MYO9B: variants seen among roughly 807,000 people sequenced by gnomAD.
The protein encoded by MYO9B is unconventional myosin-IXb.
Under a neutral mutation model 229.5 loss-of-function variants are expected in MYO9B, and 71 were observed. That is an observed-to-expected ratio of 0.31 (90% CI 0.26 to 0.38). The LOEUF (loss-of-function observed/expected upper bound fraction) is 0.38, where lower values mean the gene tolerates loss of function less well. MYO9B is among the 10% of genes least tolerant of loss of function. The pLI is 1.00. For missense variants in MYO9B, 2,255 were observed against 2,920.5 expected (o/e 0.77, Z 5.25); for synonymous variants, 1,185 against 1,235.8 (o/e 0.96, Z 0.86).
intron 13 of MYO9B, among the ~76,000 whole-genome samples, chr19:17,174,858 G>A (rs187354513): frequency 8.0e-5 from 12 of 150,478 alleles, no homozygotes; most frequent in South Asian, 2.1e-4. Context: ...CACTTAAACC[G>A]GGGAGGCAGA....
intron 26 of MYO9B, among the ~76,000 whole-genome samples, chr19:17,201,594 G>A (rs1373212370): frequency 6.6e-6 from 1 of 152,144 alleles, no homozygotes; most frequent in African/African-American, 2.4e-5. Context: ...TGTCCGCCAG[G>A]GAACACTGGC....
chr19:17,109,254 A>G (rs1014127568), intron 2 of MYO9B, among the ~76,000 whole-genome samples: 2 of 150,326 alleles, frequency 1.3e-5, no homozygotes, highest in African/African-American at 4.9e-5. Flanking sequence ...TTTAGTAGAG[A>G]TGGGGTTTCA....
At chr19:17,149,029 C>T (rs2072447754) in intron 3 of MYO9B, among the ~76,000 whole-genome samples, 2 of 152,210 alleles carry the variant, frequency 1.3e-5, no homozygotes, top group Non-Finnish European at 2.9e-5. Flanking sequence ...GGCTAGAGTA[C>T]AATGGCATGA....
At chr19:17,120,000 C>T (rs1216603727) in intron 2 of MYO9B, among the ~76,000 whole-genome samples, 5 of 152,110 alleles carry the variant, frequency 3.3e-5, no homozygotes, top group African/African-American at 4.8e-5. Flanking sequence ...CCCGTTGCTA[C>T]GAAAAATACA....
Position 17,113,651 on chromosome 19 carries a change from AC to A in MYO9B, c.840+11098del, listed in dbSNP as rs1160544469. Among the ~76,000 whole-genome samples, 11 of 152,100 alleles carry A rather than the reference AC, an allele frequency of 7.2e-5. No individual in the cohort carries two copies. The South Asian group carries it at 2.1e-3, about 29-fold the overall frequency. ...GGTCCCTGAGGGGGGTGAGCTGGGC[AC>A]CCCGGGCACCACAGGAAGCGAAGAT... On this transcript the variant is annotated intron_variant, in intron 2 of 39. Transcript: ENST00000682292.
Position 17,195,159 on chromosome 19 carries a change from G to C in MYO9B, c.3732G>C (p.Arg1244Ser). The C allele has an allele frequency of 6.2e-7, 1 of 1,611,182 alleles. No individual in the cohort carries two copies. The highest frequency in any genetic ancestry group is 8.5e-7 in the Non-Finnish European group (1 of 1,179,282). ...TEKTLPSGSP[R>S]PGQLERPTSL... ...AGACGCTGCCCAGTGGGAGCCCCAG[G>C]CCTGGCCAGTTGGAGCGGCCGACCA... is the stretch of plus-strand genomic sequence containing the variant. The change falls in exon 22 of 40, where the codon AGG becomes AGC. Residue 1244 changes from arginine (R) to serine (S), a missense_variant. Transcript: ENST00000682292. This position sits in a 1 kb window ranked among gnomAD's most constrained non-coding sequence, Gnocchi z 4.5.
intron 2 of MYO9B, among the ~76,000 whole-genome samples, chr19:17,115,370 G>T (rs1047944389): frequency 3.3e-5 from 5 of 151,738 alleles, no homozygotes; most frequent in Non-Finnish European, 7.4e-5. Flanking sequence ...TTTACTACCT[G>T]GCCCTTTATA....
rs1237112877 is a variant in MYO9B, at chr19:17,202,023, C to T, written c.4661C>T (p.Pro1554Leu). The T allele has an allele frequency of 4.3e-6, 7 of 1,612,114 alleles. No homozygotes were observed. The highest frequency in any genetic ancestry group is 2.2e-5 in the South Asian group (2 of 90,712). ...AACATCAAAACGATGTACTCTGTCC[C>T]GGTATGTGGCGGCCCGGCCTTCAGC... ...RSNIKTMYSVPNGKIHVGYKD... is the reference protein window; with the variant it reads ...RSNIKTMYSVLNGKIHVGYKD... Residue 1554 changes from proline (P) to leucine (L), a missense_variant and splice_region_variant, in exon 27 of 40, where the codon CCG becomes CTG. Transcript: ENST00000682292.
chr19:17,097,083 C>A (rs1274039680), intron 1 of MYO9B, among the ~76,000 whole-genome samples: 1 of 151,812 alleles, frequency 6.6e-6, no homozygotes, highest in South Asian at 2.1e-4. Context: ...GCGGGTGGAT[C>A]ACTTGAAGTC....
intron 14 of MYO9B, among the ~76,000 whole-genome samples, chr19:17,180,341 ATTTTTT>A (rs776734202): frequency 2.3e-5 from 2 of 87,982 alleles, no homozygotes; most frequent in African/African-American, 4.9e-5. Context: ...GATGGAAATA[ATTTTTT>A]TTTTTTTTTT....
chr19:17,142,407 G>A (rs148266206), intron 2 of MYO9B, among the ~76,000 whole-genome samples: 288 of 152,290 alleles, frequency 1.9e-3, no homozygotes, highest in Non-Finnish European at 3.5e-3. Flanking sequence ...CATTGTGAAT[G>A]TACTGAATGC....
chr19:17,183,864 C>A lies in MYO9B; in HGVS notation c.2369C>A (p.Pro790Gln). The A allele has an allele frequency of 6.4e-7, 1 of 1,574,138 alleles. No individual in the cohort carries two copies. ...SKGIKQKQII[P>Q]KNLLDSKSLK... ...GGTATCAAACAAAAGCAGATCATTC[C>A]AAAGGTAAAAAAAAAAACACACCCC... Residue 790 changes from proline (P) to glutamine (Q), a missense_variant, in exon 16 of 40, where the codon CCA (proline) becomes CAA (glutamine). This residue lies in a region of MYO9B where 155 missense variants were observed against 159.1 expected (regional missense o/e 0.97). Coordinates refer to ENST00000682292, the MANE Select transcript of MYO9B (RefSeq NM_004145.4).
chr19:17,189,046 A>T (rs532164145), intron 19 of MYO9B, among the ~76,000 whole-genome samples: 1 of 151,796 alleles, frequency 6.6e-6, no homozygotes, highest in South Asian at 2.1e-4. Context: ...CTGTAACCTC[A>T]GCTACTTGGG....
chr19:17,169,245 G>T (rs902149747), intron 11 of MYO9B, among the ~76,000 whole-genome samples: 1 of 151,704 alleles, frequency 6.6e-6, no homozygotes, highest in Non-Finnish European at 1.5e-5. Flanking sequence ...GGTGACAGGC[G>T]CCTGTAATCC....
chr19:17,180,918 TC>T lies in MYO9B; in HGVS notation c.2220-5del. Reference sequence around the variant, plus strand: ...TCTGTCACTGCGCCCCCTCCACCCCTCCCCTCAGCGATTTGCATAACCAAAT... The same window carrying T: ...TCTGTCACTGCGCCCCCTCCACCCCTCCCTCAGCGATTTGCATAACCAAAT... On this transcript the variant is annotated splice_polypyrimidine_tract_variant and splice_region_variant and intron_variant, in intron 14 of 39. Transcript: ENST00000682292. 6.3e-7 allele frequency: 1 copy of T among 1,583,928 alleles called. No homozygotes were observed. The highest frequency in any genetic ancestry group is 8.6e-7 in the Non-Finnish European group (1 of 1,158,528).
At chr19:17,184,623 T>G in intron 16 of MYO9B, 1 of 459,202 alleles carries the variant, frequency 2.2e-6, no homozygotes, top group Non-Finnish European at 3.9e-6. Flanking sequence ...GGGCAGCCAC[T>G]CAGGCTGTGA....
chr19:17,185,503 G>T (rs956307877), intron 17 of MYO9B, among the ~76,000 whole-genome samples: 1 of 149,422 alleles, frequency 6.7e-6, no homozygotes. Flanking sequence ...CCAAGATCAC[G>T]CCATTGCACT....
intron 2 of MYO9B, among the ~76,000 whole-genome samples, chr19:17,137,446 G>T (rs1371715347): frequency 6.6e-6 from 1 of 152,046 alleles, no homozygotes; most frequent in Non-Finnish European, 1.5e-5. Context: ...GGCTCATGTG[G>T]TGACCCAGTC....
intron 2 of MYO9B, among the ~76,000 whole-genome samples, chr19:17,136,473 A>T (rs1294552414): frequency 1.3e-5 from 2 of 152,118 alleles, no homozygotes; most frequent in African/African-American, 4.8e-5. Flanking sequence ...TATGGAAGGG[A>T]CAAAGGGACC....
Sources: allele counts gnomAD v4.1 joint callset (sites outside exome capture counted in the v4.1 genomes callset), GRCh38; gene constraint gnomAD v4.1.1; regional missense constraint gnomAD v4.1.1; non-coding constraint Gnocchi (gnomAD v3.1); transcripts MANE v1.5; gene names NCBI Gene and HGNC (gene_info 2026-07-23, HGNC 2026-07-21).